Variants in ZDHHC2 observed in about 807,000 individuals in gnomAD.
The protein encoded by ZDHHC2 is zDHHC palmitoyltransferase 2, also known as palmitoyltransferase ZDHHC2.
Under a neutral mutation model 55.6 loss-of-function variants are expected in ZDHHC2, and 51 were observed. That is an observed-to-expected ratio of 0.92 (90% CI 0.73 to 1.16). ZDHHC2 has a LOEUF of 1.16. Among genes scored for constraint, ZDHHC2 ranks in the 50% most tolerant of loss-of-function variants. ZDHHC2 has a pLI of 0.00. For synonymous variants in ZDHHC2, 199 were observed against 152.9 expected, an observed-to-expected ratio of 1.30 and a Z score of -2.22; for missense variants, 491 against 442.4, an observed-to-expected ratio of 1.11 and a Z score of -0.99.
chr8:17,213,340 G>C (rs1316132649), intron 10 of ZDHHC2, among the ~76,000 whole-genome samples: 1 of 150,966 alleles, frequency 6.6e-6, no homozygotes, highest in South Asian at 2.1e-4. Context: ...TGCAACCTCT[G>C]TCTCCCAGGT....
chr8:17,178,198 T>TC (rs1805246851), intron 1 of ZDHHC2, among the ~76,000 whole-genome samples: 1 of 152,142 alleles, frequency 6.6e-6, no homozygotes, highest in Non-Finnish European at 1.5e-5. Context: ...CTGTATCTCA[T>TC]TAGATACCAT....
At chr8:17,219,625 G>A (rs1302035582) in intron 12 of ZDHHC2, among the ~76,000 whole-genome samples, 1 of 152,086 alleles carries the variant, frequency 6.6e-6, no homozygotes, top group African/African-American at 2.4e-5. Context: ...AATTAGCTGG[G>A]TGTGGTGGCA....
intron 6 of ZDHHC2, among the ~76,000 whole-genome samples, chr8:17,200,139 C>G (rs1185274408): frequency 4.6e-5 from 7 of 152,156 alleles, no homozygotes; most frequent in Non-Finnish European, 1.0e-4. Context: ...CCATGACCCA[C>G]CTGCTGAATT....
At chr8:17,200,626 G>A (rs1806709847) in intron 6 of ZDHHC2, among the ~76,000 whole-genome samples, 1 of 152,142 alleles carries the variant, frequency 6.6e-6, no homozygotes, top group African/African-American at 2.4e-5. Context: ...ATTACAAAAA[G>A]AGAAAATAAT....
At chr8:17,168,214 T>C (rs1804696829) in intron 1 of ZDHHC2, among the ~76,000 whole-genome samples, 1 of 152,210 alleles carries the variant, frequency 6.6e-6, no homozygotes, top group Admixed American at 6.5e-5. Flanking sequence ...CGGCATTCTT[T>C]TGAATCTCAA....
chr8:17,173,657 G>C (rs1804977393), intron 1 of ZDHHC2, among the ~76,000 whole-genome samples: 1 of 148,194 alleles, frequency 6.7e-6, no homozygotes, highest in Non-Finnish European at 1.5e-5. Context: ...ATTCCAGCTT[G>C]AGAGACGGAA....
At chr8:17,171,542 C>T (rs1057086203) in intron 1 of ZDHHC2, among the ~76,000 whole-genome samples, 44 of 152,110 alleles carry the variant, frequency 2.9e-4, no homozygotes, top group African/African-American at 1.1e-3. Context: ...ATTGAAAGAC[C>T]GACACATTCC....
intron 8 of ZDHHC2, among the ~76,000 whole-genome samples, chr8:17,209,170 G>A (rs1807249656): frequency 6.6e-6 from 1 of 152,054 alleles, no homozygotes; most frequent in African/African-American, 2.4e-5. Flanking sequence ...GTGACCTTAG[G>A]CAAGTCCCAG....
intron 1 of ZDHHC2, among the ~76,000 whole-genome samples, chr8:17,173,411 C>T (rs1029347953): frequency 2.6e-5 from 4 of 152,102 alleles, no homozygotes; most frequent in Admixed American, 2.0e-4. Context: ...TGCGGTGGCT[C>T]ATGCCTGTCA....
At chr8:17,166,697 A>G (rs553746771) in intron 1 of ZDHHC2, among the ~76,000 whole-genome samples, 4 of 152,262 alleles carry the variant, frequency 2.6e-5, no homozygotes, top group African/African-American at 7.2e-5. Context: ...GGAGCGCCCA[A>G]TGAAGGGGAG....
chr8:17,162,977 G>A (rs1804422073), intron 1 of ZDHHC2: 1 of 152,252 alleles, frequency 6.6e-6, no homozygotes, highest in East Asian at 1.9e-4. Flanking sequence ...ATTTTAAGCA[G>A]CAGTGTTTGC....
At chr8:17,198,529 G>A (rs1182191452) in intron 6 of ZDHHC2, 116 bp downstream of exon 6, 15 of 934,986 alleles carry the variant, frequency 1.6e-5, no homozygotes, top group Non-Finnish European at 2.2e-5. Context: ...GACATAGCAG[G>A]AACTTTTGGA....
chr8:17,217,146 A>G lies in ZDHHC2; in HGVS notation c.1064-26A>G, dbSNP rs199830851. ...CCTATTTGTTCAAAAGCAACCAAAAATGCTAACTTATGTGCTTTCATTAAG... is the reference window on the plus strand; with the variant it reads ...CCTATTTGTTCAAAAGCAACCAAAAGTGCTAACTTATGTGCTTTCATTAAG... On this transcript the variant is annotated intron_variant, in intron 11 of 12. Coordinates refer to ENST00000262096, the MANE Select transcript of ZDHHC2 (RefSeq NM_016353.5). 12 of 1,606,198 alleles carry G rather than the reference A, an allele frequency of 7.5e-6. No homozygotes were observed. In the African/African-American group the frequency reaches 1.3e-4, roughly 18 times the overall value.
chr8:17,197,266 A>G (rs534547770), intron 4 of ZDHHC2, among the ~76,000 whole-genome samples: 1 of 152,140 alleles, frequency 6.6e-6, no homozygotes, highest in South Asian at 2.1e-4. Flanking sequence ...TAATTGAGGG[A>G]GACATTCTAT....
intron 1 of ZDHHC2, among the ~76,000 whole-genome samples, chr8:17,178,000 C>G (rs1585666610): frequency 6.6e-6 from 1 of 151,930 alleles, no homozygotes; most frequent in South Asian, 2.1e-4. Flanking sequence ...TAAAATACCC[C>G]AAAATCACAT....
intron 3 of ZDHHC2, among the ~76,000 whole-genome samples, chr8:17,187,019 T>C (rs1805746433): frequency 6.6e-6 from 1 of 152,180 alleles, no homozygotes; most frequent in African/African-American, 2.4e-5. Flanking sequence ...GTAAATGTCC[T>C]CCTCTTCAAG....
chr8:17,199,638 C>CCTTTCT (rs1563161820), intron 6 of ZDHHC2, among the ~76,000 whole-genome samples: 2 of 45,552 alleles, frequency 4.4e-5, no homozygotes, highest in Admixed American at 1.9e-4. Flanking sequence ...TCTTCTTCTT[C>CCTTTCT]TCCTCCTCCT....
At chr8:17,180,886 G>A (rs1447621038) in intron 1 of ZDHHC2, among the ~76,000 whole-genome samples, 1 of 152,176 alleles carries the variant, frequency 6.6e-6, no homozygotes, top group African/African-American at 2.4e-5. Flanking sequence ...AGCTGGGGGT[G>A]GAGGGAACCC....
At chr8:17,206,736 C>G (rs1807118342) in intron 7 of ZDHHC2, among the ~76,000 whole-genome samples, 1 of 152,070 alleles carries the variant, frequency 6.6e-6, no homozygotes, top group Non-Finnish European at 1.5e-5. Flanking sequence ...TCCACAGGTC[C>G]TCCTTGTGAA....
Sources: allele counts gnomAD v4.1 joint callset (sites outside exome capture counted in the v4.1 genomes callset), GRCh38; gene constraint gnomAD v4.1.1; transcripts MANE v1.5; gene names NCBI Gene and HGNC (gene_info 2026-07-23, HGNC 2026-07-21).